The following CCAR2 variants were observed in gnomAD, a reference collection of about 807,000 sequenced individuals.
CCAR2 encodes the protein cell cycle and apoptosis regulator 2.
A neutral mutation model predicts 108.1 loss-of-function variants in CCAR2; 21 were observed. That is an observed-to-expected ratio of 0.19 (90% CI 0.14 to 0.28). The LOEUF is 0.28. Ranked by LOEUF, CCAR2 falls within the 10% of genes least tolerant of loss-of-function variation. The pLI, the probability that CCAR2 is intolerant of heterozygous loss-of-function variation, is 1.00. For synonymous variants in CCAR2, 577 were observed against 472.8 expected, an observed-to-expected ratio of 1.22 and a Z score of -2.86; for missense variants, 1,126 against 1,177.0, an observed-to-expected ratio of 0.96 and a Z score of 0.63.
At position 22,605,844 on chromosome 8, in the gene CCAR2, C is replaced by T. The variant is rs373808946; in HGVS notation, c.58+13C>T. ...CGCAACTTCTCAGGTGATCACTGTTCTCCCTACCTGGCCTCATCCTGGGAA... is the reference window on the plus strand; with the variant it reads ...CGCAACTTCTCAGGTGATCACTGTTTTCCCTACCTGGCCTCATCCTGGGAA... On this transcript the variant is annotated intron_variant, in intron 2 of 20. Coordinates refer to ENST00000308511, the MANE Select transcript of CCAR2 (RefSeq NM_001393997.1). 10 of 1,612,852 alleles carry T rather than the reference C, an allele frequency of 6.2e-6. No individual in the cohort carries two copies. Among genetic ancestry groups the T allele is most frequent in the Non-Finnish European group, 7.6e-6 (9 of 1,179,258 alleles).
At position 22,606,990 on chromosome 8, in the gene CCAR2, G is replaced by A. The variant is rs1801102905; in HGVS notation, c.323G>A (p.Trp108Ter). Residue 108 changes from tryptophan (W) to a stop codon, truncating the protein, a stop_gained, in exon 5 of 21, where the codon TGG (tryptophan) becomes TAG (stop). Transcript: ENST00000308511. LOFTEE classifies it high-confidence loss of function. ...AAYNPGQAVPWNAVKVQTLSN... is the reference protein window; with the variant it reads ...AAYNPGQAVP The stretch of plus-strand genomic sequence containing the variant: ...TACAACCCAGGCCAGGCAGTGCCCT[G>A]GAATGCTGTCAAGGTGCAAACGCTC... The A allele has an allele frequency of 6.2e-7, 1 of 1,614,002 alleles. No homozygotes were observed. The highest frequency in any genetic ancestry group is 1.7e-5 in the Admixed American group (1 of 59,994).
intron 16 of CCAR2, chr8:22,618,137 T>A: frequency 1.6e-6 from 1 of 627,892 alleles, no homozygotes. Context: ...TGGAGCACAG[T>A]GGTTATTCAC....
At chr8:22,615,150 G>A (rs1801449800) in intron 11 of CCAR2, 149 bp downstream of exon 11, 2 of 1,145,182 alleles carry the variant, frequency 1.7e-6, no homozygotes, top group African/African-American at 1.6e-5. Context: ...GGTAGGGTGG[G>A]GTGTATGCCA....
chr8:22,617,482 G>C lies in CCAR2; in HGVS notation c.1908G>C (p.Arg636=). 3 of 1,604,900 alleles carry C rather than the reference G, an allele frequency of 1.9e-6. No individual in the cohort carries two copies. In the South Asian group the frequency reaches 3.3e-5, roughly 18 times the overall value. The change falls in exon 15 of 21, where the codon CGG becomes CGC. Residue 636 remains arginine, a synonymous_variant. Transcript: ENST00000308511. ...GGGGAGAGGAAGAAGAAAAACCCCGGGGCGAGGCTTCTGAGGACCTGTGTG... is the reference window on the plus strand; with the variant it reads ...GGGGAGAGGAAGAAGAAAAACCCCGCGGCGAGGCTTCTGAGGACCTGTGTG... ...SSGGEEEEKP[R]GEASEDLCEM...
intron 7 of CCAR2, among the ~76,000 whole-genome samples, chr8:22,608,636 C>G (rs1328522719): frequency 6.6e-6 from 1 of 152,158 alleles, no homozygotes; most frequent in East Asian, 1.9e-4. Flanking sequence ...GCTGTGTCAT[C>G]TGTAGCATTG....
chr8:22,614,690 T>C, intron 10 of CCAR2, 148 bp from the exon 11 acceptor site: 1 of 1,110,492 alleles, frequency 9.0e-7, no homozygotes, highest in Non-Finnish European at 1.3e-6. Context: ...GCGAGGTGGC[T>C]GGTTCATGTT....
chr8:22,620,064 G>A lies in CCAR2; in HGVS notation c.*382G>A. On this transcript the variant is annotated 3_prime_UTR_variant, in exon 21 of 21. Transcript: ENST00000308511. ...GTGTGGGACAAGGTCTGATGTCAGT[G>A]AACGGAACTGAAGAGCAAGACATGG... The A allele has an allele frequency of 4.3e-6, 1 of 231,926 alleles. No individual in the cohort carries two copies. The highest frequency in any genetic ancestry group is 6.3e-5 in the South Asian group (1 of 15,764). The allele number at this position is 231,926 out of a possible 1,614,324, so 14.4% of individuals were successfully genotyped here. A position where few individuals can be genotyped will look rare whatever the true frequency, so the allele number is the denominator to read the frequency against.
chr8:22,614,994 A>G lies in CCAR2; in HGVS notation c.1198A>G (p.Thr400Ala), dbSNP rs201473135. 6.4e-7 allele frequency: 1 copy of G among 1,573,344 alleles called. No homozygotes were observed. Among genetic ancestry groups the G allele is most frequent in the Non-Finnish European group, 8.6e-7 (1 of 1,158,152 alleles). ...GACTGGCATTGATTTGAGCGGCTGT[A>G]CCAAGTGGTGAGTGGGCTTCCTGAG... ...AQTGIDLSGC[T>A]KWWRFAEFQY... The change falls in exon 11 of 21, where the codon ACC becomes GCC. Residue 400 changes from threonine (T) to alanine (A), a missense_variant. Around this residue, in one of 4 missense-constraint regions of CCAR2, gnomAD observed 1,013 missense variants for 993.9 expected, o/e 1.02. Coordinates refer to ENST00000308511, the MANE Select transcript of CCAR2 (RefSeq NM_001393997.1).
rs556961027 is a variant in CCAR2 at position 22,612,827 on chromosome 8, A to C, written c.585-190A>C. The stretch of plus-strand genomic sequence containing the variant: ...AGAGTGTGCTTTTTGCTTAACAGGA[A>C]TGTTTATTAAAACAGTAAATATCCA... On this transcript the variant is annotated intron_variant, in intron 7 of 20. Transcript: ENST00000308511. 10 of 614,740 alleles carry C rather than the reference A, an allele frequency of 1.6e-5. No homozygotes were observed. In the East Asian group the frequency reaches 3.3e-4, roughly 20 times the overall value. The allele number at this position is 614,740 out of a possible 1,614,324, so 38.1% of individuals were successfully genotyped here.
At chr8:22,614,742 C>CTGATGGGT (rs71299322) in intron 10 of CCAR2, 96 bp from the exon 11 acceptor site, 12 of 1,497,506 alleles carry the variant, frequency 8.0e-6, no homozygotes, top group African/African-American at 1.4e-5. Flanking sequence ...TCCCCACTTC[C>CTGATGGGT]GGCTGCCTTC....
chr8:22,610,420 T>A (rs1801229376), intron 7 of CCAR2, among the ~76,000 whole-genome samples: 1 of 152,236 alleles, frequency 6.6e-6, no homozygotes, highest in Admixed American at 6.5e-5. Context: ...CTGCAAGTCC[T>A]GAGAGGTCAG....
intron 12 of CCAR2, 30 bp downstream of exon 12, chr8:22,615,626 G>C (rs769065147): frequency 2.0e-5 from 32 of 1,613,694 alleles, no homozygotes; most frequent in Non-Finnish European, 2.6e-5. Flanking sequence ...AGCAGCGGGG[G>C]ATATAGGTGG....
Position 22,614,962 on chromosome 8 carries a change from A to G in CCAR2, c.1166A>G (p.Gln389Arg), listed in dbSNP as rs201320219. 4 of 1,605,436 alleles carry G rather than the reference A, an allele frequency of 2.5e-6. No homozygotes were observed. The highest frequency in any genetic ancestry group is 3.4e-5 in the Admixed American group (2 of 58,536). The change falls in exon 11 of 21, where the codon CAG becomes CGG. Residue 389 changes from glutamine to arginine, a missense_variant. By Grantham distance (43) the Gln-to-Arg change is conservative. Transcript: ENST00000308511. ...GTGCGTACCGCCATCCGCTGTGCGC[A>G]GGCCCAGACTGGCATTGATTTGAGC... Reference protein sequence around the residue: ...VLVRTAIRCAQAQTGIDLSGC... With the variant: ...VLVRTAIRCARAQTGIDLSGC...
chr8:22,619,327 A>G lies in CCAR2; in HGVS notation c.2699A>G (p.Gln900Arg). ...QELRRRLTPL[Q>R]LEIQRVVEKA... ...CTCCGCAGGCGTCTGACCCCCCTGC[A>G]GCTGGAGATCCAGCGGGTGGTGGAA... The change falls in exon 20 of 21, where the codon CAG (glutamine) becomes CGG (arginine). Residue 900 changes from glutamine to arginine, a missense_variant. This residue lies in a region of CCAR2 where 1,013 missense variants were observed against 993.9 expected (regional missense o/e 1.02). Transcript: ENST00000308511. 6.4e-7 allele frequency: 1 copy of G among 1,563,338 alleles called. No homozygotes were observed. The highest frequency in any genetic ancestry group is 8.7e-7 in the Non-Finnish European group (1 of 1,154,566).
intron 7 of CCAR2, among the ~76,000 whole-genome samples, chr8:22,611,801 A>G (rs776477372): frequency 4.6e-5 from 7 of 152,088 alleles, no homozygotes; most frequent in Non-Finnish European, 8.8e-5. Flanking sequence ...ATGCTGCTTC[A>G]TATTTTTCCA....
intron 7 of CCAR2, among the ~76,000 whole-genome samples, chr8:22,608,379 A>C (rs1034304798): frequency 3.3e-5 from 5 of 152,276 alleles, no homozygotes; most frequent in Admixed American, 6.5e-5. Context: ...TCTAGTCCCT[A>C]AGTTGAGATG....
At chr8:22,616,939 T>C (rs1351591851) in intron 14 of CCAR2, among the ~76,000 whole-genome samples, 2 of 85,784 alleles carry the variant, frequency 2.3e-5, no homozygotes, top group Admixed American at 3.7e-4. Flanking sequence ...TGAAGTGCAG[T>C]GGCGCAACCT....
chr8:22,609,281 G>A (rs1427899990), intron 7 of CCAR2, among the ~76,000 whole-genome samples: 1 of 152,084 alleles, frequency 6.6e-6, no homozygotes, highest in Non-Finnish European at 1.5e-5. Flanking sequence ...CCAGTGCTTT[G>A]GGAGCCTATC....
chr8:22,612,882 T>C, intron 7 of CCAR2, 135 bp from the exon 8 acceptor site: 2 of 919,916 alleles, frequency 2.2e-6, no homozygotes, highest in East Asian at 2.6e-5. Context: ...TTCTGTCATA[T>C]GGCTGTTAGC....
Sources: allele counts gnomAD v4.1 joint callset (sites outside exome capture counted in the v4.1 genomes callset), GRCh38; gene constraint gnomAD v4.1.1; regional missense constraint gnomAD v4.1.1; transcripts MANE v1.5; gene names NCBI Gene and HGNC (gene_info 2026-07-23, HGNC 2026-07-21).